Variants in COL22A1 observed in about 807,000 individuals in gnomAD.
The protein encoded by COL22A1 is collagen alpha-1(XXII) chain.
COL22A1 carries 221 observed loss-of-function variants against 248.9 expected under a neutral mutation model. The observed-to-expected ratio is 0.89, with a 90% CI of 0.80 to 0.99. COL22A1 has a LOEUF of 0.99. Among genes scored for constraint, COL22A1 ranks in the 50% least tolerant of loss-of-function variants. The probability of loss-of-function intolerance (pLI) is 0.00; values close to 1 mark genes in which losing one functional copy is unlikely to be tolerated. For missense variants in COL22A1, 2,240 were observed against 2,179.0 expected (o/e 1.03, Z -0.56); for synonymous variants, 891 against 793.4 (o/e 1.12, Z -2.07).
intron 45 of COL22A1, among the ~76,000 whole-genome samples, chr8:138,654,714 C>A (rs1412844902): frequency 6.6e-6 from 1 of 152,194 alleles, no homozygotes; most frequent in South Asian, 2.1e-4. Flanking sequence ...TTTCACAGCT[C>A]TCAACATTGA....
At chr8:138,808,599 G>C (rs16893541) in intron 9 of COL22A1, among the ~76,000 whole-genome samples, 47,397 of 151,986 alleles carry the variant, frequency 0.31, 7,879 homozygotes, top group African/African-American at 0.42. Flanking sequence ...GTACGTGTTC[G>C]ATACATGTAA....
Position 138,816,912 on chromosome 8 carries a change from C to G in COL22A1, c.1246-3893G>C, listed in dbSNP as rs140986548. Reference sequence around the variant, plus strand: ...GGAACAGTCAATGGGTGTAATACCCCCATGGACACTCTTCATTATTCTCTA... The same window carrying G: ...GGAACAGTCAATGGGTGTAATACCCGCATGGACACTCTTCATTATTCTCTA... On this transcript the variant is annotated intron_variant, in intron 7 of 64. Coordinates refer to ENST00000303045, the MANE Select transcript of COL22A1 (RefSeq NM_152888.3). Among the ~76,000 whole-genome samples, 216 of 152,254 alleles carry G rather than the reference C, an allele frequency of 1.4e-3. 1 individual carries two copies. Among genetic ancestry groups the G allele is most frequent in the Middle Eastern group, 6.8e-3 (2 of 294 alleles).
At chr8:138,609,210 C>G (rs866997165) in intron 56 of COL22A1, among the ~76,000 whole-genome samples, 11 of 152,342 alleles carry the variant, frequency 7.2e-5, no homozygotes, top group Middle Eastern at 6.8e-3. Context: ...CATCATCACC[C>G]TTTTACAAAT....
intron 37 of COL22A1, among the ~76,000 whole-genome samples, chr8:138,687,490 G>T (rs1826455493): frequency 6.6e-6 from 1 of 152,228 alleles, no homozygotes; most frequent in African/African-American, 2.4e-5. Flanking sequence ...GAACTTGAAA[G>T]AATTCATGTT....
At chr8:138,716,892 C>A in intron 27 of COL22A1, 23 bp from the exon 28 acceptor site, 1 of 1,588,494 alleles carries the variant, frequency 6.3e-7, no homozygotes, top group East Asian at 2.2e-5. Context: ...TAAAACATAC[C>A]CCATTATTCT....
Position 138,854,830 on chromosome 8 carries a change from CGAT to C in COL22A1, c.659-10675_659-10673del, listed in dbSNP as rs1349088429. 2.7e-5 allele frequency among the ~76,000 whole-genome samples: 4 copies of C among 145,954 alleles called. No individual in the cohort carries two copies. In the East Asian group the frequency reaches 7.8e-4, roughly 28 times the overall value. On this transcript the variant is annotated intron_variant, in intron 3 of 64. Coordinates refer to ENST00000303045, the MANE Select transcript of COL22A1 (RefSeq NM_152888.3). ...GTGATGATGATGGTGATGATGGTGA[CGAT>C]GATGGTGATGATGGTGATGTGGATG... is the stretch of plus-strand genomic sequence containing the variant.
At chr8:138,763,646 T>C (rs759576808) in intron 16 of COL22A1, among the ~76,000 whole-genome samples, 1 of 152,000 alleles carries the variant, frequency 6.6e-6, no homozygotes, top group Non-Finnish European at 1.5e-5. Context: ...ATCTGAACAG[T>C]CTCCCACCTG....
chr8:138,863,543 C>T (rs1822644145), intron 3 of COL22A1, among the ~76,000 whole-genome samples: 1 of 152,180 alleles, frequency 6.6e-6, no homozygotes, highest in South Asian at 2.1e-4. Context: ...GAGTCCCAAT[C>T]TACAAAGCAA....
intron 4 of COL22A1, among the ~76,000 whole-genome samples, chr8:138,837,498 T>C (rs1466392488): frequency 6.6e-6 from 1 of 152,184 alleles, no homozygotes; most frequent in African/African-American, 2.4e-5. Context: ...GGCTGCAGTC[T>C]CAGCATCGCC....
At chr8:138,875,257 G>A (rs1037807342) in intron 3 of COL22A1, among the ~76,000 whole-genome samples, 1 of 152,074 alleles carries the variant, frequency 6.6e-6, no homozygotes, top group African/African-American at 2.4e-5. Context: ...ATGGGGGAGA[G>A]GCCTGGAGTC....
chr8:138,714,233 GTA>G (rs200283445), intron 30 of COL22A1, among the ~76,000 whole-genome samples: 16 of 152,212 alleles, frequency 1.1e-4, no homozygotes, highest in South Asian at 2.1e-4. Context: ...GGTTAGGCGT[GTA>G]TCAAAATCTC....
chr8:138,874,893 C>A (rs1373236633), intron 3 of COL22A1, among the ~76,000 whole-genome samples: 1 of 152,168 alleles, frequency 6.6e-6, no homozygotes, highest in African/African-American at 2.4e-5. Flanking sequence ...CAGGGCCACC[C>A]AATCTCAGCC....
intron 55 of COL22A1, among the ~76,000 whole-genome samples, chr8:138,614,780 A>T (rs1483169253): frequency 1.3e-5 from 2 of 152,134 alleles, no homozygotes; most frequent in African/African-American, 4.8e-5. Context: ...CCACACACTG[A>T]TCTTATAAGA....
At chr8:138,863,365 C>T (rs116628013) in intron 3 of COL22A1, among the ~76,000 whole-genome samples, 7,543 of 152,236 alleles carry the variant, frequency 0.05, 223 homozygotes, top group African/African-American at 0.077. Flanking sequence ...GACAATTCTA[C>T]TCTTCCCTCC....
chr8:138,670,573 A>G (rs1351477351), intron 41 of COL22A1, among the ~76,000 whole-genome samples: 1 of 152,070 alleles, frequency 6.6e-6, no homozygotes, highest in African/African-American at 2.4e-5. Flanking sequence ...AAGGAACTGG[A>G]CTAAAGCAGG....
chr8:138,670,312 C>A (rs1824905697), intron 41 of COL22A1, among the ~76,000 whole-genome samples: 1 of 152,222 alleles, frequency 6.6e-6, no homozygotes, highest in Non-Finnish European at 1.5e-5. Context: ...CCTCAGCCTC[C>A]TCCTTCACTA....
At chr8:138,742,545 TGAG>T (rs1383761643) in intron 22 of COL22A1, among the ~76,000 whole-genome samples, 1 of 151,574 alleles carries the variant, frequency 6.6e-6, no homozygotes, top group Non-Finnish European at 1.5e-5. Context: ...GTGGAGTTGA[TGAG>T]GGTGATGGTG....
intron 30 of COL22A1, among the ~76,000 whole-genome samples, chr8:138,711,202 C>T (rs1828936199): frequency 6.6e-6 from 1 of 152,154 alleles, no homozygotes; most frequent in South Asian, 2.1e-4. Context: ...ACTGTCAGCG[C>T]CCCTTGCTGG....
chr8:138,891,976 A>C (rs962274987), intron 1 of COL22A1, among the ~76,000 whole-genome samples: 2 of 152,212 alleles, frequency 1.3e-5, no homozygotes, highest in Non-Finnish European at 2.9e-5. Flanking sequence ...AGCCTTGCCT[A>C]CTTGGGACAT....
Sources: gnomAD v4.1 joint callset for allele counts (sites outside exome capture counted in the v4.1 genomes callset) on GRCh38, gnomAD v4.1.1 for gene constraint, MANE v1.5 for transcripts, NCBI Gene and HGNC (gene_info 2026-07-23, HGNC 2026-07-21) for gene names.